Variants in DNAH12 observed in about 807,000 individuals in gnomAD.
DNAH12 encodes the protein dynein axonemal heavy chain 12, also known as axonemal beta dynein heavy chain 12.
In DNAH12, 285 loss-of-function variants were observed where a neutral mutation model predicts 371.5. The observed-to-expected ratio is 0.77, with a 90% CI of 0.70 to 0.85. The LOEUF (loss-of-function observed/expected upper bound fraction) is 0.85, where lower values mean the gene tolerates loss of function less well. DNAH12 is among the 40% of genes least tolerant of loss of function. The pLI, the probability that DNAH12 is intolerant of heterozygous loss-of-function variation, is 0.00. For missense variants in DNAH12, 3,611 were observed against 3,689.4 expected, an observed-to-expected ratio of 0.98 and a Z score of 0.55; for synonymous variants, 1,200 against 1,213.0, an observed-to-expected ratio of 0.99 and a Z score of 0.22.
At chr3:57,503,921 C>G (rs749039682) in intron 9 of DNAH12, 95 bp downstream of exon 9, 113 of 979,612 alleles carry the variant, frequency 1.2e-4, no homozygotes, top group Non-Finnish European at 1.5e-4. Flanking sequence ...AGGAAAATAA[C>G]AGAAAGAGTC....
chr3:57,437,869 C>G (rs756213802), intron 29 of DNAH12, among the ~76,000 whole-genome samples: 4 of 152,200 alleles, frequency 2.6e-5, no homozygotes, highest in Admixed American at 1.3e-4. Context: ...AATTCTTACT[C>G]AGAAGACATT....
At chr3:57,342,173 AC>A (rs1171207200) in intron 60 of DNAH12, among the ~76,000 whole-genome samples, 2 of 152,128 alleles carry the variant, frequency 1.3e-5, no homozygotes, top group Non-Finnish European at 2.9e-5. Flanking sequence ...CTAGAAGAAA[AC>A]CTGGGGAAAT....
intron 42 of DNAH12, among the ~76,000 whole-genome samples, chr3:57,403,914 A>T (rs2063946615): frequency 6.6e-6 from 1 of 152,222 alleles, no homozygotes; most frequent in African/African-American, 2.4e-5. Context: ...TTAAAATTAA[A>T]ATGATAATGA....
intron 48 of DNAH12, among the ~76,000 whole-genome samples, 168 bp from the exon 49 acceptor site, chr3:57,385,173 G>A (rs1166967430): frequency 1.2e-5 from 1 of 85,444 alleles, no homozygotes; most frequent in Non-Finnish European, 3.3e-5. Context: ...TTGGAAATGG[G>A]CTTCAAAAAT....
intron 43 of DNAH12, among the ~76,000 whole-genome samples, chr3:57,399,041 G>A (rs1324133747): frequency 6.6e-6 from 1 of 152,126 alleles, no homozygotes; most frequent in Admixed American, 6.6e-5. Context: ...TGGGGGAGGG[G>A]TGGAGCTATA....
At chr3:57,524,153 A>T (rs1362770990) in intron 2 of DNAH12, among the ~76,000 whole-genome samples, 4 of 152,194 alleles carry the variant, frequency 2.6e-5, no homozygotes, top group Non-Finnish European at 5.9e-5. Flanking sequence ...ATCCCAATGA[A>T]TAGTGGGCAC....
chr3:57,448,713 T>C (rs1242012237), intron 25 of DNAH12, among the ~76,000 whole-genome samples: 1 of 151,590 alleles, frequency 6.6e-6, no homozygotes, highest in African/African-American at 2.4e-5. Context: ...TTTAACAGGG[T>C]GCTGATTGGT....
At chr3:57,509,660 G>C (rs527883529) in intron 5 of DNAH12, among the ~76,000 whole-genome samples, 3 of 151,996 alleles carry the variant, frequency 2.0e-5, no homozygotes, top group South Asian at 2.1e-4. Context: ...TCAGGAGTTT[G>C]AGACCAGGCT....
rs1259618857 is a variant in DNAH12, at chr3:57,359,728, G to A, written c.9361-2380C>T. Among the ~76,000 whole-genome samples the A allele has an allele frequency of 2.0e-5, 3 of 152,100 alleles. No individual in the cohort carries two copies. The South Asian group carries it at 6.2e-4, about 32-fold the overall frequency. The stretch of plus-strand genomic sequence containing the variant: ...ACTAAACTTCAGTCAGGAAACCACT[G>A]GAGTAGCAGTAGGGGTAAATTTTGA... On this transcript the variant is annotated intron_variant, in intron 58 of 73. Transcript: ENST00000495027.
chr3:57,493,725 A>G (rs2067210808), intron 11 of DNAH12: 1 of 151,958 alleles, frequency 6.6e-6, no homozygotes, highest in Non-Finnish European at 1.5e-5. Flanking sequence ...TCACAGATCA[A>G]ACTGCTTGTT....
chr3:57,482,210 C>G (rs1177987501), intron 13 of DNAH12, among the ~76,000 whole-genome samples: 1 of 151,870 alleles, frequency 6.6e-6, no homozygotes, highest in Non-Finnish European at 1.5e-5. Context: ...ACAATGAACT[C>G]AAACAAATTT....
intron 60 of DNAH12, among the ~76,000 whole-genome samples, chr3:57,349,994 G>A (rs976217229): frequency 6.6e-6 from 1 of 152,064 alleles, no homozygotes; most frequent in Admixed American, 6.6e-5. Context: ...CCGGACTGGA[G>A]ACTATTATTC....
Position 57,448,714 on chromosome 3 carries a change from G to A in DNAH12, c.3787-2025C>T, listed in dbSNP as rs543594551. Among the ~76,000 whole-genome samples the A allele has an allele frequency of 4.6e-5, 7 of 151,656 alleles. No individual in the cohort carries two copies. In the East Asian group the frequency reaches 1.4e-3, roughly 29 times the overall value. On this transcript the variant is annotated intron_variant, in intron 25 of 73. Transcript: ENST00000495027. ...AGCGAGTGGCCTGTTTTAACAGGGT[G>A]CTGATTGGTGCATTTACAATCCCTG...
chr3:57,362,489 TA>T (rs2062958240), intron 58 of DNAH12, among the ~76,000 whole-genome samples: 16 of 152,230 alleles, frequency 1.1e-4, no homozygotes, highest in Non-Finnish European at 1.5e-5. Context: ...ACCAACAGTG[TA>T]AAAGTGTTGC....
chr3:57,389,822 G>GTGTGTATATATATATATATATATA (rs1326306277), intron 45 of DNAH12, among the ~76,000 whole-genome samples: 1 of 45,816 alleles, frequency 2.2e-5, no homozygotes, highest in Admixed American at 2.5e-4. Flanking sequence ...GTGTGTGTGT[G>GTGTGTATATATATATATATATATA]TATATATATA....
intron 39 of DNAH12, among the ~76,000 whole-genome samples, chr3:57,408,790 C>T (rs1342041371): frequency 3.3e-5 from 5 of 152,124 alleles, no homozygotes; most frequent in African/African-American, 1.2e-4. Flanking sequence ...TTTCCTCCTA[C>T]TCTTCCTTAC....
At chr3:57,300,795 T>C (rs1016404784) in intron 70 of DNAH12, among the ~76,000 whole-genome samples, 2 of 151,604 alleles carry the variant, frequency 1.3e-5, no homozygotes, top group Non-Finnish European at 2.9e-5. Flanking sequence ...TTTGAGAATT[T>C]CCAAAAAAAA....
In DNAH12 at chr3:57,447,084, G is replaced by T. The variant is rs145958589; in HGVS notation, c.3787-395C>A. ...ACACCAGAAAGTGAGAGCTATAAAT[G>T]GCACCCATGATTGGGAAAAGAAACA... On this transcript the variant is annotated intron_variant, in intron 25 of 73. Transcript: ENST00000495027. 1.8e-3 allele frequency among the ~76,000 whole-genome samples: 267 copies of T among 152,206 alleles called. 1 individual carries two copies. The highest frequency in any genetic ancestry group is 6.2e-3 in the African/African-American group (257 of 41,534).
intron 4 of DNAH12, among the ~76,000 whole-genome samples, chr3:57,517,343 C>T (rs957715568): frequency 3.3e-5 from 5 of 152,064 alleles, no homozygotes; most frequent in Admixed American, 1.3e-4. Flanking sequence ...CATCAATCTT[C>T]AGCATCTAGC....
Sources: gnomAD v4.1 joint callset for allele counts (sites outside exome capture counted in the v4.1 genomes callset) on GRCh38, gnomAD v4.1.1 for gene constraint, MANE v1.5 for transcripts, NCBI Gene and HGNC (gene_info 2026-07-23, HGNC 2026-07-21) for gene names.